Variants in CASS4 observed in about 807,000 individuals in gnomAD.
CASS4 encodes the protein cas scaffolding protein family member 4.
Under a neutral mutation model 54.2 loss-of-function variants are expected in CASS4, and 22 were observed. The observed-to-expected ratio is 0.41, with a 90% CI of 0.29 to 0.58. CASS4 has a LOEUF of 0.58. CASS4 is among the 20% of genes least tolerant of loss of function. The probability of loss-of-function intolerance (pLI) is 0.36; values close to 1 mark genes in which losing one functional copy is unlikely to be tolerated. For missense variants in CASS4, 854 were observed against 986.7 expected (o/e 0.87, Z 1.80); for synonymous variants, 409 against 391.5 (o/e 1.04, Z -0.53).
At chr20:56,436,394 T>C (rs1980168920) in intron 1 of CASS4, among the ~76,000 whole-genome samples, 1 of 147,934 alleles carries the variant, frequency 6.8e-6, no homozygotes, top group Admixed American at 6.8e-5. Flanking sequence ...ATATATAGGA[T>C]ATATGTTGGG....
At chr20:56,417,573 C>G (rs762134511) in intron 1 of CASS4, among the ~76,000 whole-genome samples, 3 of 152,200 alleles carry the variant, frequency 2.0e-5, no homozygotes, top group Non-Finnish European at 4.4e-5. Flanking sequence ...AGGGACAGAC[C>G]TGGGCTTTCT....
At position 56,414,566 on chromosome 20, in the gene CASS4, C is replaced by T. The variant is rs1174328075; in HGVS notation, c.36+2072C>T. Among the ~76,000 whole-genome samples the T allele has an allele frequency of 6.6e-6, 1 of 151,334 alleles. No homozygotes were observed. The highest frequency in any genetic ancestry group is 1.5e-5 in the Non-Finnish European group (1 of 67,776). On this transcript the variant is annotated intron_variant, in intron 1 of 5. Coordinates refer to ENST00000679887, the MANE Select transcript of CASS4 (RefSeq NM_020356.4). This position sits in a 1 kb window ranked among gnomAD's most constrained non-coding sequence, Gnocchi z 4.1. Reference sequence around the variant, plus strand: ...GTACAGGATTACAGGTGCACACCACCGAGCCCCACTGCAATTTGTAAATAA... The same window carrying T: ...GTACAGGATTACAGGTGCACACCACTGAGCCCCACTGCAATTTGTAAATAA...
chr20:56,455,135 A>T (rs1489366211), intron 5 of CASS4, among the ~76,000 whole-genome samples: 14 of 148,088 alleles, frequency 9.5e-5, no homozygotes, highest in African/African-American at 3.6e-4. Context: ...TCCTTTTTTA[A>T]AAAAAAAAAA....
intron 2 of CASS4, among the ~76,000 whole-genome samples, chr20:56,440,838 C>A (rs1039752546): frequency 6.6e-6 from 1 of 152,190 alleles, no homozygotes; most frequent in Non-Finnish European, 1.5e-5. Context: ...CCTTTAACCA[C>A]TGAGCAGAGT....
At chr20:56,455,433 TA>T (rs1365404160) in intron 5 of CASS4, among the ~76,000 whole-genome samples, 3 of 152,180 alleles carry the variant, frequency 2.0e-5, no homozygotes, top group Non-Finnish European at 4.4e-5. Flanking sequence ...TGTCCAATGA[TA>T]GGATAAGGTC....
In CASS4 at chr20:56,413,274, T is replaced by C. The variant is rs1212299891; in HGVS notation, c.36+780T>C. ...GCTCAAGGTTGTGTTTTCATCTTGC[T>C]ATGCCCTTTTTAAATTTTAAGTAGA... is the stretch of plus-strand genomic sequence containing the variant. On this transcript the variant is annotated intron_variant, in intron 1 of 5. Coordinates refer to ENST00000679887, the MANE Select transcript of CASS4 (RefSeq NM_020356.4). Among the ~76,000 whole-genome samples, 3 of 152,050 alleles carry C rather than the reference T, an allele frequency of 2.0e-5. No homozygotes were observed. The East Asian group carries it at 5.8e-4, about 29-fold the overall frequency.
Position 56,412,635 on chromosome 20 carries a change from A to G in CASS4, c.36+141A>G, listed in dbSNP as rs992172300. ...TGAGTTGGAGATGGGAAAGTTTAAC[A>G]TAAGTTTAAGTGTGGGAAATAGATG... On this transcript the variant is annotated intron_variant, in intron 1 of 5. Transcript: ENST00000679887. This position sits in a 1 kb window ranked among gnomAD's most constrained non-coding sequence, Gnocchi z 4.2. 1.0e-5 allele frequency: 9 copies of G among 864,576 alleles called. No homozygotes were observed. The highest frequency in any genetic ancestry group is 3.3e-5 in the South Asian group (2 of 60,354). 53.6% of individuals were successfully genotyped at this position (864,576 alleles called of 1,614,324 possible).
Position 56,434,891 on chromosome 20 carries a change from G to A in CASS4, c.37-2273G>A, listed in dbSNP as rs528029092. On this transcript the variant is annotated intron_variant, in intron 1 of 5. Coordinates refer to ENST00000679887, the MANE Select transcript of CASS4 (RefSeq NM_020356.4). ...GAAAAGATCTGGAAACACAAAAACC[G>A]AAGGATTAACAGCAGTTACCTGTGG... is the stretch of plus-strand genomic sequence containing the variant. Among the ~76,000 whole-genome samples, 11 of 152,306 alleles carry A rather than the reference G, an allele frequency of 7.2e-5. 1 individual carries two copies. The highest frequency in any genetic ancestry group is 1.9e-4 in the East Asian group (1 of 5,194).
intron 1 of CASS4, among the ~76,000 whole-genome samples, chr20:56,413,842 T>A (rs772311828): frequency 6.6e-6 from 1 of 152,172 alleles, no homozygotes; most frequent in Non-Finnish European, 1.5e-5. Context: ...ATGGGAAGCG[T>A]GGGGGTTATT....
At position 56,446,019 on chromosome 20, in the gene CASS4, G is replaced by GC. The variant is rs56872912; in HGVS notation, c.561+22dup. On this transcript the variant is annotated intron_variant, in intron 3 of 5. Transcript: ENST00000679887. The stretch of plus-strand genomic sequence containing the variant: ...TCCTGAAGGTGAGCCTTGTTCAGGG[G>GC]CCCCTCATCACCCAGACCTCTGCGC... The GC allele has an allele frequency of 0.013, 19,812 of 1,558,482 alleles. 1,892 individuals are homozygous for GC. In the African/African-American group the frequency reaches 0.22, roughly 17 times the overall value.
At chr20:56,425,105 C>T (rs1315194478) in intron 1 of CASS4, among the ~76,000 whole-genome samples, 1 of 152,238 alleles carries the variant, frequency 6.6e-6, no homozygotes, top group Non-Finnish European at 1.5e-5. Context: ...AGGCCCTCCT[C>T]TCTGGCCTGG....
intron 1 of CASS4, among the ~76,000 whole-genome samples, chr20:56,422,787 C>T (rs561400296): frequency 1.8e-4 from 28 of 152,250 alleles, no homozygotes; most frequent in Admixed American, 3.9e-4. Context: ...ACAGCATGTG[C>T]CATTCTCCAC....
At position 56,452,656 on chromosome 20, in the gene CASS4, C is replaced by A. The variant is rs1981090060; in HGVS notation, c.1480C>A (p.Leu494Met). The part of the protein sequence containing the change: ...DHIEESVREF[L>M]DFARGVHGTA... ...CATAGAAGAATCTGTAAGAGAATTT[C>A]TGGATTTTGCCCGAGGAGTCCATGG... The change falls in exon 5 of 6, where the codon CTG (leucine) becomes ATG (methionine). Residue 494 changes from leucine to methionine, a missense_variant. Transcript: ENST00000679887. 1 of 1,614,086 alleles carries A rather than the reference C, an allele frequency of 6.2e-7. No homozygotes were observed. Among genetic ancestry groups the A allele is most frequent in the African/African-American group, 1.3e-5 (1 of 74,930 alleles).
At chr20:56,426,909 G>A (rs1015274425) in intron 1 of CASS4, among the ~76,000 whole-genome samples, 2 of 152,094 alleles carry the variant, frequency 1.3e-5, no homozygotes, top group Admixed American at 6.6e-5. Flanking sequence ...TTAGTTATAG[G>A]AAAATAATAC....
chr20:56,451,395 C>T (rs1980987964), intron 4 of CASS4, among the ~76,000 whole-genome samples: 1 of 152,190 alleles, frequency 6.6e-6, no homozygotes, highest in African/African-American at 2.4e-5. Context: ...CCACATGTGT[C>T]CCACAGACAC....
At chr20:56,427,624 A>G (rs1979708069) in intron 1 of CASS4, among the ~76,000 whole-genome samples, 1 of 152,238 alleles carries the variant, frequency 6.6e-6, no homozygotes, top group East Asian at 1.9e-4. Context: ...AAAATGTATA[A>G]CAGAATATGT....
chr20:56,430,154 A>G lies in CASS4; in HGVS notation c.37-7010A>G, dbSNP rs1288708167. ...CTCCAAGTGCAGCTAAGACCACTGT[A>G]TCCTTGGCTGCTCGGGTTTAGATGA... On this transcript the variant is annotated intron_variant, in intron 1 of 5. Coordinates refer to ENST00000679887, the MANE Select transcript of CASS4 (RefSeq NM_020356.4). The surrounding 1 kb of genome is among the most constrained non-coding windows in gnomAD (Gnocchi z 4.2). 1.3e-5 allele frequency among the ~76,000 whole-genome samples: 2 copies of G among 152,206 alleles called. No individual in the cohort carries two copies. Among genetic ancestry groups the G allele is most frequent in the Admixed American group, 1.3e-4 (2 of 15,282 alleles).
Position 56,422,751 on chromosome 20 carries a change from G to T in CASS4, c.36+10257G>T, listed in dbSNP as rs571796043. On this transcript the variant is annotated intron_variant, in intron 1 of 5. Coordinates refer to ENST00000679887, the MANE Select transcript of CASS4 (RefSeq NM_020356.4). Reference sequence around the variant, plus strand: ...GGTCAGAGTTCAATGTTATCATGGAGAACCAGTTAAAGTTTGCGTTTATTC... The same window carrying T: ...GGTCAGAGTTCAATGTTATCATGGATAACCAGTTAAAGTTTGCGTTTATTC... Among the ~76,000 whole-genome samples the T allele has an allele frequency of 2.6e-5, 4 of 152,348 alleles. No homozygotes were observed. In the East Asian group the frequency reaches 7.7e-4, roughly 29 times the overall value.
At chr20:56,450,575 T>C (rs1047869688) in intron 3 of CASS4, 24 bp from the exon 4 acceptor site, 3 of 1,608,894 alleles carry the variant, frequency 1.9e-6, no homozygotes, top group Admixed American at 1.7e-5. Flanking sequence ...ATTCAAGTTG[T>C]CTGCCTTTGT....
Sources: gnomAD v4.1 joint callset for allele counts (sites outside exome capture counted in the v4.1 genomes callset) on GRCh38, gnomAD v4.1.1 for gene constraint, Gnocchi (gnomAD v3.1) non-coding constraint, MANE v1.5 for transcripts, NCBI Gene and HGNC (gene_info 2026-07-23, HGNC 2026-07-21) for gene names.